Variants in CDH3 observed in about 807,000 individuals in gnomAD.
The protein encoded by CDH3 is cadherin-3.
A neutral mutation model predicts 82.0 loss-of-function variants in CDH3; 54 were observed. The ratio of observed to expected loss-of-function variants is 0.66; its 90% CI spans 0.53 to 0.83. The LOEUF (loss-of-function observed/expected upper bound fraction) is 0.83. Among genes scored for constraint, CDH3 ranks in the 40% least tolerant of loss-of-function variants. The probability of loss-of-function intolerance (pLI) is 0.00; values close to 1 mark genes in which losing one functional copy is unlikely to be tolerated. For synonymous variants in CDH3, 446 were observed against 437.9 expected (o/e 1.02, Z -0.23); for missense variants, 1,054 against 1,084.6 (o/e 0.97, Z 0.40).
intron 2 of CDH3, among the ~76,000 whole-genome samples, chr16:68,670,252 A>G (rs1459815776): frequency 2.0e-5 from 3 of 149,160 alleles, no homozygotes; most frequent in African/African-American, 7.4e-5. Context: ...AAAGAACATC[A>G]TTAGTACTTA....
intron 2 of CDH3, among the ~76,000 whole-genome samples, chr16:68,723,239 C>T (rs1962183626): frequency 6.6e-6 from 1 of 152,146 alleles, no homozygotes; most frequent in Non-Finnish European, 1.5e-5. Flanking sequence ...AGCTTCCTGG[C>T]TTCCCTCTCA....
chr16:68,658,035 T>TC (rs990154589), intron 2 of CDH3, among the ~76,000 whole-genome samples: 1 of 151,558 alleles, frequency 6.6e-6, no homozygotes, highest in South Asian at 2.1e-4. Flanking sequence ...CCACAGGTAT[T>TC]CCCCATATCT....
intron 12 of CDH3, among the ~76,000 whole-genome samples, chr16:68,689,077 T>G (rs1961492290): frequency 6.6e-6 from 1 of 152,254 alleles, no homozygotes; most frequent in Admixed American, 6.5e-5. Context: ...CTGTTTGCCC[T>G]TGTTCTGTTG....
At chr16:68,663,877 A>G (rs1178378841) in intron 2 of CDH3, among the ~76,000 whole-genome samples, 1 of 152,026 alleles carries the variant, frequency 6.6e-6, no homozygotes, top group African/African-American at 2.4e-5. Flanking sequence ...CAGGTTAGTT[A>G]CATATGTATA....
At chr16:68,678,425 CT>C in intron 4 of CDH3, 75 bp from the exon 5 acceptor site, 1 of 1,598,392 alleles carries the variant, frequency 6.3e-7, no homozygotes, top group Non-Finnish European at 8.6e-7. Context: ...GGCAGTGCCC[CT>C]CTTCACAGAG....
At chr16:68,731,130 TTA>T (rs542370344), downstream of CDH3, among the ~76,000 whole-genome samples, 1 of 114,242 alleles carries the variant, frequency 8.8e-6, no homozygotes, top group African/African-American at 3.6e-5. Flanking sequence ...TAAAAAATAA[TTA>T]TATATATATA....
downstream of CDH3, among the ~76,000 whole-genome samples, chr16:68,701,529 T>C (rs979158501): frequency 3.3e-4 from 49 of 149,536 alleles, no homozygotes; most frequent in African/African-American, 1.2e-3. Flanking sequence ...CTGTTTCTCC[T>C]GTGCATTACA....
At chr16:68,658,363 A>T (rs1046156817) in intron 2 of CDH3, among the ~76,000 whole-genome samples, 2 of 151,800 alleles carry the variant, frequency 1.3e-5, no homozygotes, top group Non-Finnish European at 2.9e-5. Context: ...GCTGTTTCTC[A>T]TCCCAAATGA....
At chr16:68,715,447 C>T (rs1962083424) in intron 1 of CDH3, among the ~76,000 whole-genome samples, 1 of 138,484 alleles carries the variant, frequency 7.2e-6, no homozygotes, top group Non-Finnish European at 1.6e-5. Context: ...GGATTTGAAT[C>T]CAGCTCTTGC....
chr16:68,684,618 G>A lies in CDH3; in HGVS notation c.1218G>A (p.Leu406=), dbSNP rs780166244. The A allele has an allele frequency of 6.2e-6, 10 of 1,614,202 alleles. No individual in the cohort carries two copies. Among genetic ancestry groups the A allele is most frequent in the Non-Finnish European group, 8.5e-6 (10 of 1,180,032 alleles). The part of the protein sequence containing the change: ...LDFEAKNQHT[L]YVEVTNEAPF... ...TTGAGGCCAAAAACCAGCACACCCT[G>A]TACGTTGAAGTGACCAACGAGGCCC... The change falls in exon 10 of 16, where the codon CTG becomes CTA. Residue 406 remains leucine, a synonymous_variant. Coordinates refer to ENST00000264012, the MANE Select transcript of CDH3 (RefSeq NM_001793.6).
chr16:68,702,212 T>C (rs936138867), downstream of CDH3, among the ~76,000 whole-genome samples: 1 of 152,106 alleles, frequency 6.6e-6, no homozygotes, highest in African/African-American at 2.4e-5. Flanking sequence ...CTTTGCATTA[T>C]ACCTTTTCAT....
chr16:68,698,229 C>T lies in CDH3; in HGVS notation c.2319C>T (p.Pro773=). ...KAANTDPTAP[P]YDTLLVFDYE... is the part of the protein sequence containing the mutation. Reference sequence around the variant, plus strand: ...CTAACACAGACCCCACAGCCCCGCCCTACGACACCCTCTTGGTGTTCGACT... The same window carrying T: ...CTAACACAGACCCCACAGCCCCGCCTTACGACACCCTCTTGGTGTTCGACT... Residue 773 remains proline (P), a synonymous_variant, in exon 16 of 16, where the codon CCC becomes CCT. Coordinates refer to ENST00000264012, the MANE Select transcript of CDH3 (RefSeq NM_001793.6). 2.5e-6 allele frequency: 4 copies of T among 1,614,266 alleles called. No homozygotes were observed. Among genetic ancestry groups the T allele is most frequent in the Middle Eastern group, 3.3e-4 (2 of 6,062 alleles).
rs145286242 is a variant in CDH3, at chr16:68,682,354, C to T, written c.1049C>T (p.Thr350Met). 34 of 1,613,880 alleles carry T rather than the reference C, an allele frequency of 2.1e-5. No homozygotes were observed. The African/African-American group carries it at 2.5e-4, about 12-fold the overall frequency. ...GTGGGCCATGAGGTGCAGAGGCTGA[C>T]GGTCACTGATCTGGACGCCCCCAAC... Reference protein sequence around the residue: ...NAVGHEVQRLTVTDLDAPNSP... With the variant: ...NAVGHEVQRLMVTDLDAPNSP... The change falls in exon 9 of 16, where the codon ACG becomes ATG. Residue 350 changes from threonine (T) to methionine (M), a missense_variant. By Grantham distance (81) the Thr-to-Met change is moderately conservative (BLOSUM62 -1). Coordinates refer to ENST00000264012, the MANE Select transcript of CDH3 (RefSeq NM_001793.6).
At chr16:68,731,512 A>G (rs1453264934), downstream of CDH3, among the ~76,000 whole-genome samples, 1 of 39,792 alleles carries the variant, frequency 2.5e-5, no homozygotes, top group East Asian at 5.3e-4. Flanking sequence ...ACACACACAC[A>G]TATACACACA....
chr16:68,710,144 C>T (rs1051006730), intron 1 of CDH3, among the ~76,000 whole-genome samples: 2 of 152,226 alleles, frequency 1.3e-5, no homozygotes, highest in Non-Finnish European at 2.9e-5. Context: ...AGTATCCCTC[C>T]GCCTGCTCCC....
chr16:68,645,984 A>C, intron 2 of CDH3: 4 of 536,508 alleles, frequency 7.5e-6, no homozygotes, highest in South Asian at 4.9e-5. Flanking sequence ...GCTTACCTTG[A>C]CCCCCTCCTC....
intron 8 of CDH3, among the ~76,000 whole-genome samples, 181 bp downstream of exon 8, chr16:68,681,277 AATG>A (rs1387899713): frequency 1.9e-4 from 29 of 152,364 alleles, no homozygotes; most frequent in African/African-American, 6.0e-4. Flanking sequence ...AAAAGGAGAT[AATG>A]ATAATACCTG....
intron 2 of CDH3, chr16:68,646,026 G>T (rs1407476101): frequency 2.1e-6 from 1 of 484,766 alleles, no homozygotes. Context: ...CCCTCACCCA[G>T]TCTCGACGTG....
chr16:68,710,909 AGAAAG>A (rs995247389), intron 1 of CDH3, among the ~76,000 whole-genome samples: 37 of 139,714 alleles, frequency 2.6e-4, no homozygotes, highest in Non-Finnish European at 4.8e-4. Context: ...GAAGAAAGGA[AGAAAG>A]GAGAGAGGGA....
Sources: gnomAD v4.1 joint callset for allele counts (sites outside exome capture counted in the v4.1 genomes callset) on GRCh38, gnomAD v4.1.1 for gene constraint, MANE v1.5 for transcripts, NCBI Gene and HGNC (gene_info 2026-07-23, HGNC 2026-07-21) for gene names.